Variants in BCAS4 observed in about 807,000 individuals in gnomAD.
BCAS4 encodes the protein breast carcinoma amplified sequence 4.
Under a neutral mutation model 15.7 loss-of-function variants are expected in BCAS4, and 9 were observed. The ratio of observed to expected loss-of-function variants is 0.57; its 90% CI spans 0.34 to 1.00. The LOEUF (loss-of-function observed/expected upper bound fraction) is 1.00, where lower values mean the gene tolerates loss of function less well. BCAS4 is among the 50% of genes least tolerant of loss of function. BCAS4 has a pLI of 0.02. For synonymous variants in BCAS4, 101 were observed against 99.5 expected (o/e 1.02, Z -0.09); for missense variants, 225 against 239.1 (o/e 0.94, Z 0.39).
intron 3 of BCAS4, among the ~76,000 whole-genome samples, chr20:50,841,126 C>G (rs2088475836): frequency 1.3e-5 from 2 of 152,130 alleles, no homozygotes. Flanking sequence ...CACCGCACCC[C>G]TTTTTCTTCT....
chr20:50,874,268 T>A (rs1368981045), intron 4 of BCAS4, among the ~76,000 whole-genome samples: 1 of 152,054 alleles, frequency 6.6e-6, no homozygotes, highest in East Asian at 1.9e-4. Context: ...TACGCGCTGA[T>A]CCCCGCAGCC....
intron 4 of BCAS4, among the ~76,000 whole-genome samples, chr20:50,875,728 GC>G (rs1302708702): frequency 4.6e-5 from 7 of 152,000 alleles, no homozygotes; most frequent in African/African-American, 1.7e-4. Flanking sequence ...GTTGCAGTGA[GC>G]CAAGATGGCA....
chr20:50,819,040 G>A (rs946318082), intron 2 of BCAS4, among the ~76,000 whole-genome samples: 2 of 152,200 alleles, frequency 1.3e-5, no homozygotes, highest in East Asian at 1.9e-4. Context: ...AAAATTAGCC[G>A]GGTGTGGTGG....
chr20:50,823,980 ATTAAT>A (rs1200011564), intron 2 of BCAS4, among the ~76,000 whole-genome samples: 1 of 152,118 alleles, frequency 6.6e-6, no homozygotes, highest in Admixed American at 6.5e-5. Context: ...AGTGCTATTT[ATTAAT>A]AATTTTTATT....
At chr20:50,872,778 G>A (rs1979722554) in intron 4 of BCAS4, among the ~76,000 whole-genome samples, 2 of 152,184 alleles carry the variant, frequency 1.3e-5, no homozygotes, top group Admixed American at 6.5e-5. Context: ...AGAGCTGTGG[G>A]TTACTCACCC....
At chr20:50,830,754 G>T (rs1035022978) in intron 3 of BCAS4, among the ~76,000 whole-genome samples, 2 of 152,174 alleles carry the variant, frequency 1.3e-5, no homozygotes, top group Admixed American at 1.3e-4. Context: ...GGAGGCTGAG[G>T]TAGGAGGATG....
At chr20:50,810,262 C>A (rs1445503160) in intron 1 of BCAS4, among the ~76,000 whole-genome samples, 1 of 151,900 alleles carries the variant, frequency 6.6e-6, no homozygotes, top group Non-Finnish European at 1.5e-5. Context: ...AGGCCTAGAC[C>A]TGGGAGTCAC....
In BCAS4 at chr20:50,830,394, A is replaced by G. The variant is rs1421727149; in HGVS notation, c.264+14A>G. ...GACCGGCTAGAGGTACGTCTAGGCAAACGAAGGTTCTGAGGCTGTGGACTT... is the reference window on the plus strand; with the variant it reads ...GACCGGCTAGAGGTACGTCTAGGCAGACGAAGGTTCTGAGGCTGTGGACTT... On this transcript the variant is annotated intron_variant, in intron 3 of 4. Coordinates refer to ENST00000371608, the MANE Select transcript of BCAS4 (RefSeq NM_198799.4). The G allele has an allele frequency of 6.2e-7, 1 of 1,603,624 alleles. No individual in the cohort carries two copies. The highest frequency in any genetic ancestry group is 8.5e-7 in the Non-Finnish European group (1 of 1,173,700).
intron 1 of BCAS4, among the ~76,000 whole-genome samples, chr20:50,811,507 AC>A (rs2088062475): frequency 6.6e-6 from 1 of 151,666 alleles, no homozygotes; most frequent in Admixed American, 6.6e-5. Flanking sequence ...CAAAAAAGAA[AC>A]CCCATCACCA....
intron 2 of BCAS4, among the ~76,000 whole-genome samples, chr20:50,830,064 C>T (rs1031053330): frequency 2.0e-5 from 3 of 152,108 alleles, no homozygotes; most frequent in African/African-American, 7.2e-5. Context: ...ATTTGTGGTT[C>T]AGTACATAAT....
chr20:50,810,246 C>T (rs1489478609), intron 1 of BCAS4, among the ~76,000 whole-genome samples: 2 of 151,780 alleles, frequency 1.3e-5, no homozygotes, highest in Non-Finnish European at 2.9e-5. Context: ...GCTTTGAGGT[C>T]TCTCGAGGCC....
At chr20:50,800,235 C>T (rs1457509779) in intron 1 of BCAS4, among the ~76,000 whole-genome samples, 5 of 151,968 alleles carry the variant, frequency 3.3e-5, no homozygotes, top group African/African-American at 9.7e-5. Flanking sequence ...TAGGATGAGC[C>T]CTGAGCCTGA....
chr20:50,848,571 A>G (rs2088575071), intron 4 of BCAS4, among the ~76,000 whole-genome samples: 1 of 152,200 alleles, frequency 6.6e-6, no homozygotes, highest in Non-Finnish European at 1.5e-5. Flanking sequence ...GGAATTTAAC[A>G]CTATTCTAAG....
intron 2 of BCAS4, among the ~76,000 whole-genome samples, chr20:50,829,444 T>C (rs936893215): frequency 6.6e-6 from 1 of 152,080 alleles, no homozygotes; most frequent in African/African-American, 2.4e-5. Context: ...GGTTTCACCA[T>C]GTTGGCCAGG....
At chr20:50,836,829 T>G (rs1423243039) in intron 3 of BCAS4, among the ~76,000 whole-genome samples, 1 of 152,142 alleles carries the variant, frequency 6.6e-6, no homozygotes, top group Non-Finnish European at 1.5e-5. Context: ...CACCTCAGCC[T>G]CTCGAATAGC....
chr20:50,813,434 A>G (rs1233724698), intron 1 of BCAS4, among the ~76,000 whole-genome samples: 2 of 152,226 alleles, frequency 1.3e-5, no homozygotes, highest in Non-Finnish European at 1.5e-5. Context: ...GGCTACTGCA[A>G]GAGTCCTAGC....
At chr20:50,819,368 T>C (rs113035078) in intron 2 of BCAS4, among the ~76,000 whole-genome samples, 1 of 152,076 alleles carries the variant, frequency 6.6e-6, no homozygotes, top group Non-Finnish European at 1.5e-5. Context: ...GAGCTCCATA[T>C]TGTGACCAGG....
At chr20:50,865,676 C>T (rs1600901689) in intron 4 of BCAS4, among the ~76,000 whole-genome samples, 3 of 152,154 alleles carry the variant, frequency 2.0e-5, no homozygotes, top group East Asian at 1.9e-4. Context: ...ACTAGGGCCT[C>T]GGCAGCCTCC....
Position 50,850,790 on chromosome 20 carries a change from C to A in BCAS4, c.399+8890C>A, listed in dbSNP as rs557919551. On this transcript the variant is annotated intron_variant, in intron 4 of 4. Transcript: ENST00000371608. ...CCTGCTGGTGTGTTTGAGTCTCCCCCCCGGTAGAGCACATAGTAGGTGTTC... is the reference window on the plus strand; with the variant it reads ...CCTGCTGGTGTGTTTGAGTCTCCCCACCGGTAGAGCACATAGTAGGTGTTC... Among the ~76,000 whole-genome samples the A allele has an allele frequency of 5.3e-5, 8 of 152,288 alleles. No homozygotes were observed. The East Asian group carries it at 1.2e-3, about 22-fold the overall frequency.
Sources: allele counts gnomAD v4.1 joint callset (sites outside exome capture counted in the v4.1 genomes callset), GRCh38; gene constraint gnomAD v4.1.1; transcripts MANE v1.5; gene names NCBI Gene and HGNC (gene_info 2026-07-23, HGNC 2026-07-21).